APTX: variants seen among roughly 807,000 people sequenced by gnomAD.
APTX encodes aprataxin.
Under a neutral mutation model 42.3 loss-of-function variants are expected in APTX, and 33 were observed. That is an observed-to-expected ratio of 0.78 (90% CI 0.59 to 1.04). APTX has a LOEUF of 1.04. Among genes scored for constraint, APTX ranks in the 50% least tolerant of loss-of-function variants. The pLI is 0.00. For synonymous variants in APTX, 130 were observed against 146.7 expected (o/e 0.89, Z 0.82); for missense variants, 421 against 415.1 (o/e 1.01, Z -0.12).
intron 1 of APTX, among the ~76,000 whole-genome samples, chr9:33,007,850 G>A (rs897854065): frequency 2.0e-5 from 3 of 151,356 alleles, no homozygotes; most frequent in Admixed American, 1.3e-4. Flanking sequence ...TCTCCCCAAC[G>A]CTCCCCACCA....
intron 2 of APTX, among the ~76,000 whole-genome samples, chr9:32,988,846 G>A (rs527565072): frequency 6.6e-6 from 1 of 152,204 alleles, no homozygotes; most frequent in Non-Finnish European, 1.5e-5. Context: ...CAGAAACTCA[G>A]GTGGCTTTGG....
intron 1 of APTX, among the ~76,000 whole-genome samples, chr9:32,990,930 T>C (rs1482506206): frequency 2.0e-5 from 3 of 147,328 alleles, no homozygotes; most frequent in East Asian, 3.9e-4. Flanking sequence ...ATTTCTTTAC[T>C]TTTTTTTTTT....
chr9:32,989,465 C>A, intron 2 of APTX: 1 of 517,574 alleles, frequency 1.9e-6, no homozygotes, highest in South Asian at 1.7e-5. Flanking sequence ...ATCTTGCTGC[C>A]CATTGAGCAA....
chr9:32,974,203 C>T (rs982978842), intron 7 of APTX, among the ~76,000 whole-genome samples: 1 of 152,184 alleles, frequency 6.6e-6, no homozygotes, highest in African/African-American at 2.4e-5. Context: ...GCCTTTAAGT[C>T]CCCTTTTGTC....
intron 1 of APTX, among the ~76,000 whole-genome samples, chr9:33,008,810 C>T (rs1337028340): frequency 6.6e-6 from 1 of 152,156 alleles, no homozygotes; most frequent in Non-Finnish European, 1.5e-5. Context: ...CCTCTACCTC[C>T]CAAAGTGCTG....
At chr9:33,022,466 T>C (rs1660687796) in intron 1 of APTX, among the ~76,000 whole-genome samples, 1 of 152,232 alleles carries the variant, frequency 6.6e-6, no homozygotes, top group Non-Finnish European at 1.5e-5. Flanking sequence ...TATGGAAACT[T>C]ATTTATTACA....
Position 32,987,567 on chromosome 9 carries a change from C to T in APTX, c.460G>A (p.Gly154Arg). 1 of 1,613,984 alleles carries T rather than the reference C, an allele frequency of 6.2e-7. No individual in the cohort carries two copies. Among genetic ancestry groups the T allele is most frequent in the African/African-American group, 1.3e-5 (1 of 75,038 alleles). Residue 154 changes from glycine to arginine, a missense_variant, in exon 4 of 8, where the codon GGA becomes AGA. By Grantham distance (125) the Gly-to-Arg change is moderately radical (BLOSUM62 -2). Coordinates refer to ENST00000379817, the MANE Select transcript of APTX (RefSeq NM_001195248.2). The part of the protein sequence containing the change: ...SGQCSVPLKK[G>R]KDAPIKKESL... Reference sequence around the variant, plus strand: ...ACCTTTTTGATAGGTGCATCTTTTCCCTTCTTTAGGGGCACAGAGCATTGG... The same window carrying T: ...ACCTTTTTGATAGGTGCATCTTTTCTCTTCTTTAGGGGCACAGAGCATTGG...
At chr9:33,012,024 CGA>C (rs1837576489) in intron 1 of APTX, among the ~76,000 whole-genome samples, 1 of 152,190 alleles carries the variant, frequency 6.6e-6, no homozygotes, top group South Asian at 2.1e-4. Context: ...CAGACAACCC[CGA>C]GACACTCCTA....
chr9:32,997,387 T>C (rs1835193287), intron 1 of APTX: 1 of 152,016 alleles, frequency 6.6e-6, no homozygotes, highest in Non-Finnish European at 1.5e-5. Context: ...ATGTTAATAG[T>C]AGATGTGGTA....
chr9:32,980,811 T>A (rs775423335), intron 6 of APTX, among the ~76,000 whole-genome samples: 12 of 152,232 alleles, frequency 7.9e-5, no homozygotes, highest in Admixed American at 6.5e-4. Context: ...TAAAGAAGGT[T>A]AGGTGAAAAA....
intron 1 of APTX, among the ~76,000 whole-genome samples, chr9:32,999,697 C>T (rs1287342087): frequency 1.3e-5 from 2 of 152,176 alleles, no homozygotes; most frequent in African/African-American, 4.8e-5. Flanking sequence ...ACAAACAGGC[C>T]GGGTGCGGTG....
chr9:33,013,328 G>A (rs1837668181), intron 1 of APTX, among the ~76,000 whole-genome samples: 1 of 152,064 alleles, frequency 6.6e-6, no homozygotes, highest in Non-Finnish European at 1.5e-5. Context: ...GGCGGGGCCA[G>A]GATTCAGTTT....
At chr9:32,984,032 A>T (rs1831310641) in intron 6 of APTX, among the ~76,000 whole-genome samples, 1 of 152,224 alleles carries the variant, frequency 6.6e-6, no homozygotes, top group East Asian at 1.9e-4. Flanking sequence ...ACAGTTTTTT[A>T]AAAACAAAAT....
chr9:33,016,116 T>C (rs1055381455), intron 1 of APTX: 1 of 152,248 alleles, frequency 6.6e-6, no homozygotes, highest in African/African-American at 2.4e-5. Context: ...GAAGGGCTAT[T>C]AAAAGTCATT....
upstream of APTX, chr9:33,001,642 AG>A (rs1836569517): frequency 5.6e-6 from 9 of 1,612,688 alleles, no homozygotes; most frequent in East Asian, 2.0e-4. Flanking sequence ...GGATGACGTC[AG>A]AGGCCGGCTG....
At chr9:33,014,250 G>A (rs1033460332) in intron 1 of APTX, among the ~76,000 whole-genome samples, 3 of 152,176 alleles carry the variant, frequency 2.0e-5, no homozygotes, top group Non-Finnish European at 4.4e-5. Context: ...AGTCTGGTAA[G>A]TACAGGACTT....
At chr9:33,000,418 G>T (rs1262841426) in intron 1 of APTX, among the ~76,000 whole-genome samples, 1 of 152,026 alleles carries the variant, frequency 6.6e-6, no homozygotes, top group Admixed American at 6.5e-5. Flanking sequence ...CCTGAGGTCA[G>T]GAGTTTGAGA....
At chr9:33,003,904 C>T (rs1477444554), upstream of APTX, among the ~76,000 whole-genome samples, 1 of 152,164 alleles carries the variant, frequency 6.6e-6, no homozygotes, top group Non-Finnish European at 1.5e-5. Flanking sequence ...TTCATCCACC[C>T]GTGGATATTC....
chr9:32,995,870 A>T (rs1207095808), intron 1 of APTX, among the ~76,000 whole-genome samples: 1 of 149,502 alleles, frequency 6.7e-6, no homozygotes, highest in Non-Finnish European at 1.5e-5. Context: ...CCTGGGCGAC[A>T]GAGCGAGTCT....
Sources: allele counts gnomAD v4.1 joint callset (sites outside exome capture counted in the v4.1 genomes callset), GRCh38; gene constraint gnomAD v4.1.1; transcripts MANE v1.5; gene names NCBI Gene and HGNC (gene_info 2026-07-23, HGNC 2026-07-21).